The following ANXA3 variants were observed in gnomAD, a reference collection of about 807,000 sequenced individuals.
ANXA3 encodes the protein 35-alpha calcimedin.
A neutral mutation model predicts 48.8 loss-of-function variants in ANXA3; 46 were observed. That is an observed-to-expected ratio of 0.94 (90% CI 0.74 to 1.21). ANXA3 has a LOEUF of 1.21. ANXA3 is among the 50% of genes most tolerant of loss of function. ANXA3 has a pLI of 0.00. For synonymous variants in ANXA3, 128 were observed against 134.7 expected (o/e 0.95, Z 0.35); for missense variants, 383 against 378.6 (o/e 1.01, Z -0.10).
In ANXA3 at chr4:78,581,835, G is replaced by A. The variant is rs78718485; in HGVS notation, c.199-342G>A. Reference sequence around the variant, plus strand: ...AGAGCACCTCCCACTGAAGCTGGGCGTGAATTTATAAGGGTTCCTCTTCCT... The same window carrying A: ...AGAGCACCTCCCACTGAAGCTGGGCATGAATTTATAAGGGTTCCTCTTCCT... On this transcript the variant is annotated intron_variant, in intron 4 of 12. Coordinates refer to ENST00000264908, the MANE Select transcript of ANXA3 (RefSeq NM_005139.3). Among the ~76,000 whole-genome samples, 1,058 of 152,222 alleles carry A rather than the reference G, an allele frequency of 7.0e-3. 16 individuals are homozygous for A. Among genetic ancestry groups the A allele is most frequent in the African/African-American group, 0.024 (1,011 of 41,532 alleles).
chr4:78,574,490 C>G (rs780133953), intron 3 of ANXA3, among the ~76,000 whole-genome samples: 15 of 152,132 alleles, frequency 9.9e-5, no homozygotes, highest in Non-Finnish European at 1.9e-4. Flanking sequence ...CACTCTTGCC[C>G]CTTTCCCTAG....
At chr4:78,584,690 A>G (rs1723137016) in intron 5 of ANXA3, among the ~76,000 whole-genome samples, 1 of 152,202 alleles carries the variant, frequency 6.6e-6, no homozygotes, top group Non-Finnish European at 1.5e-5. Flanking sequence ...CTGCCTTGCC[A>G]TCAGGGAATG....
intron 11 of ANXA3, 100 bp downstream of exon 11, chr4:78,601,668 G>A: frequency 2.0e-6 from 2 of 1,013,668 alleles, no homozygotes; most frequent in South Asian, 3.0e-5. Flanking sequence ...TTATTTTAAT[G>A]TAATTTAAAC....
At chr4:78,567,805 A>G (rs1284390755) in intron 2 of ANXA3, among the ~76,000 whole-genome samples, 1 of 152,254 alleles carries the variant, frequency 6.6e-6, no homozygotes, top group East Asian at 1.9e-4. Context: ...GGAGGGCAGA[A>G]TACCTTTTGT....
chr4:78,554,013 CA>C (rs2109921450), intron 1 of ANXA3: 1 of 160,810 alleles, frequency 6.2e-6, no homozygotes, highest in African/African-American at 2.4e-5. Context: ...ACAAGGAATC[CA>C]ACTGAAGGCA....
intron 7 of ANXA3, among the ~76,000 whole-genome samples, chr4:78,593,739 C>G (rs1275980906): frequency 6.7e-6 from 1 of 149,084 alleles, no homozygotes; most frequent in East Asian, 2.0e-4. Flanking sequence ...TGGGCCCAAG[C>G]AGACCTCCCA....
At chr4:78,602,274 A>G (rs1014450001) in intron 11 of ANXA3, 27 of 152,014 alleles carry the variant, frequency 1.8e-4, no homozygotes, top group African/African-American at 6.5e-4. Context: ...TGAGAAGGTA[A>G]AAATATGGCT....
intron 10 of ANXA3, 66 bp downstream of exon 10, chr4:78,597,480 C>T (rs1375096436): frequency 1.8e-6 from 2 of 1,093,900 alleles, no homozygotes; most frequent in African/African-American, 1.6e-5. Context: ...CCGAGGCCTG[C>T]TCCTTTTGGG....
intron 3 of ANXA3, among the ~76,000 whole-genome samples, chr4:78,576,552 C>T (rs1165406226): frequency 1.3e-5 from 2 of 152,150 alleles, no homozygotes; most frequent in Non-Finnish European, 2.9e-5. Flanking sequence ...CTGCCTTGTC[C>T]TCCCAAAGTC....
At chr4:78,582,047 C>T (rs1160993558) in intron 4 of ANXA3, 130 bp from the exon 5 acceptor site, 1 of 598,782 alleles carries the variant, frequency 1.7e-6, no homozygotes, top group Non-Finnish European at 3.0e-6. Flanking sequence ...ATTTTCAACA[C>T]TTCTGTTTAT....
intron 9 of ANXA3, among the ~76,000 whole-genome samples, chr4:78,596,235 C>G (rs1213488574): frequency 6.6e-6 from 1 of 152,222 alleles, no homozygotes; most frequent in Non-Finnish European, 1.5e-5. Context: ...CCTAACAGTT[C>G]TCCCTAGTTA....
chr4:78,605,016 T>C (rs1723619415), intron 12 of ANXA3, among the ~76,000 whole-genome samples: 1 of 152,250 alleles, frequency 6.6e-6, no homozygotes. Context: ...AAATGCATTT[T>C]AAATTTTGAC....
chr4:78,570,047 C>T lies in ANXA3; in HGVS notation c.16-3133C>T, dbSNP rs113249965. Among the ~76,000 whole-genome samples, 17 of 152,204 alleles carry T rather than the reference C, an allele frequency of 1.1e-4. 1 individual carries two copies. Among genetic ancestry groups the T allele is most frequent in the South Asian group, 8.3e-4 (4 of 4,830 alleles). On this transcript the variant is annotated intron_variant, in intron 2 of 12. Coordinates refer to ENST00000264908, the MANE Select transcript of ANXA3 (RefSeq NM_005139.3). The stretch of plus-strand genomic sequence containing the variant: ...TATTTTGTAAGTCATGTAATATTTC[C>T]GAATGATTTGGGCAACCAAGTCTAT...
chr4:78,606,080 G>C (rs1246031967), intron 12 of ANXA3, among the ~76,000 whole-genome samples: 1 of 152,252 alleles, frequency 6.6e-6, no homozygotes, highest in Non-Finnish European at 1.5e-5. Flanking sequence ...GCAATCCACT[G>C]TCCTTGCCTC....
At position 78,583,175 on chromosome 4, in the gene ANXA3, C is replaced by G. The variant is rs529077090; in HGVS notation, c.312+885C>G. The stretch of plus-strand genomic sequence containing the variant: ...GCAACTTGGAGAAACCCTGTCTCTA[C>G]AAAAAATAAAAAAAAAATTAGCTGT... On this transcript the variant is annotated intron_variant, in intron 5 of 12. Transcript: ENST00000264908. Among the ~76,000 whole-genome samples, 171 of 71,814 alleles carry G rather than the reference C, an allele frequency of 2.4e-3. 2 individuals are homozygous for G. Among genetic ancestry groups the G allele is most frequent in the African/African-American group, 0.011 (165 of 14,464 alleles). The allele number at this position is 71,814 out of a possible 152,430, so 47.1% of individuals were successfully genotyped here.
intron 10 of ANXA3, among the ~76,000 whole-genome samples, chr4:78,600,693 G>C (rs1166148849): frequency 6.6e-6 from 1 of 152,086 alleles, no homozygotes; most frequent in Non-Finnish European, 1.5e-5. Flanking sequence ...ACTTATTCTT[G>C]TTCTGAGCTC....
chr4:78,607,538 A>G (rs1410396022), intron 12 of ANXA3, among the ~76,000 whole-genome samples: 1 of 152,190 alleles, frequency 6.6e-6, no homozygotes, highest in African/African-American at 2.4e-5. Context: ...AGATGAAATT[A>G]TATTTTTTGG....
intron 6 of ANXA3, among the ~76,000 whole-genome samples, chr4:78,587,781 G>T (rs1265849074): frequency 6.6e-6 from 1 of 152,122 alleles, no homozygotes; most frequent in Non-Finnish European, 1.5e-5. Context: ...TATTTTGACA[G>T]ATAGAATGTA....
intron 12 of ANXA3, among the ~76,000 whole-genome samples, chr4:78,607,659 G>C (rs10028815): frequency 6.6e-6 from 1 of 151,962 alleles, no homozygotes; most frequent in Non-Finnish European, 1.5e-5. Flanking sequence ...TCTATGTGGA[G>C]ACTTGAGGTA....
Sources: allele counts gnomAD v4.1 joint callset (sites outside exome capture counted in the v4.1 genomes callset), GRCh38; gene constraint gnomAD v4.1.1; transcripts MANE v1.5; gene names NCBI Gene and HGNC (gene_info 2026-07-23, HGNC 2026-07-21).